DNAH3: variants seen among roughly 807,000 people sequenced by gnomAD.
DNAH3 encodes the protein axonemal beta dynein heavy chain 3.
In DNAH3, 332 loss-of-function variants were observed where a neutral mutation model predicts 432.5. The ratio of observed to expected loss-of-function variants is 0.77; its 90% confidence interval spans 0.70 to 0.84. The LOEUF is 0.84. Ranked by LOEUF, DNAH3 falls within the 40% of genes least tolerant of loss-of-function variation. The pLI, the probability that DNAH3 is intolerant of heterozygous loss-of-function variation, is 0.00. For missense variants in DNAH3, 4,861 were observed against 5,114.0 expected (o/e 0.95, Z 1.51); for synonymous variants, 1,956 against 1,900.2 (o/e 1.03, Z -0.76).
At chr16:21,016,032 G>A (rs2087840571) in intron 41 of DNAH3, among the ~76,000 whole-genome samples, 1 of 151,976 alleles carries the variant, frequency 6.6e-6, no homozygotes, top group Non-Finnish European at 1.5e-5. Flanking sequence ...CAAGTGATCT[G>A]CCTGCCTCAA....
chr16:21,062,739 G>T, intron 24 of DNAH3, 56 bp from the exon 25 acceptor site: 1 of 1,451,694 alleles, frequency 6.9e-7, no homozygotes, highest in Non-Finnish European at 9.5e-7. Flanking sequence ...ACTTTTTCTA[G>T]CAAGGTGATA....
At chr16:21,098,276 A>G (rs2091741045) in intron 17 of DNAH3, among the ~76,000 whole-genome samples, 1 of 151,754 alleles carries the variant, frequency 6.6e-6, no homozygotes, top group Non-Finnish European at 1.5e-5. Context: ...ACTCTCTATT[A>G]AAAATACAAA....
intron 56 of DNAH3, among the ~76,000 whole-genome samples, chr16:20,949,337 A>C (rs1205317373): frequency 6.6e-6 from 1 of 151,182 alleles, no homozygotes; most frequent in Non-Finnish European, 1.5e-5. Flanking sequence ...CAAAAAATAA[A>C]TAAATAAATA....
chr16:21,129,757 C>T (rs1300364212), intron 7 of DNAH3, among the ~76,000 whole-genome samples: 1 of 137,144 alleles, frequency 7.3e-6, no homozygotes, highest in African/African-American at 2.8e-5. Flanking sequence ...ACAAATGCAC[C>T]CTGGTGTTAG....
At chr16:21,146,731 C>A (rs2092788633) in intron 1 of DNAH3, among the ~76,000 whole-genome samples, 1 of 151,590 alleles carries the variant, frequency 6.6e-6, no homozygotes, top group Non-Finnish European at 1.5e-5. Flanking sequence ...GACCATCTCC[C>A]CAACCCTTCC....
intron 1 of DNAH3, among the ~76,000 whole-genome samples, chr16:21,148,136 G>A (rs1051028995): frequency 2.0e-5 from 3 of 152,102 alleles, no homozygotes; most frequent in African/African-American, 4.8e-5. Flanking sequence ...GGGGCAGGGG[G>A]CATATGACTA....
chr16:21,072,626 A>G lies in DNAH3; in HGVS notation c.3085-1800T>C, dbSNP rs115083541. 4.3e-3 allele frequency among the ~76,000 whole-genome samples: 650 copies of G among 151,722 alleles called. 1 individual carries two copies. Among genetic ancestry groups the G allele is most frequent in the African/African-American group, 0.015 (622 of 41,384 alleles). On this transcript the variant is annotated intron_variant, in intron 21 of 61. Transcript: ENST00000261383. The stretch of plus-strand genomic sequence containing the variant: ...ACAAGCATGACAGGCACGAGCCACC[A>G]TGCCTGGCTTGTTTTATACATTTAT...
intron 49 of DNAH3, among the ~76,000 whole-genome samples, chr16:20,980,168 AAAATAT>A (rs942726397): frequency 1.8e-4 from 24 of 135,776 alleles, no homozygotes; most frequent in African/African-American, 6.7e-4. Flanking sequence ...TGTAGAAAAA[AAAATAT>A]ATATATATAT....
At chr16:20,965,784 C>T (rs985004851) in intron 52 of DNAH3, among the ~76,000 whole-genome samples, 1 of 152,164 alleles carries the variant, frequency 6.6e-6, no homozygotes, top group Admixed American at 6.6e-5. Flanking sequence ...ACGATCTTGG[C>T]TCACTGCAAC....
intron 1 of DNAH3, among the ~76,000 whole-genome samples, chr16:21,154,962 T>C (rs2092889027): frequency 6.6e-6 from 1 of 151,032 alleles, no homozygotes; most frequent in African/African-American, 2.4e-5. Flanking sequence ...TTTTTTTTTT[T>C]TTTTTGAGAT....
rs2091899396 is a variant in DNAH3 at position 21,104,221 on chromosome 16, C to T, written c.2366+250G>A. 8.3e-6 allele frequency: 3 copies of T among 363,248 alleles called. No homozygotes were observed. In the East Asian group the frequency reaches 1.5e-4, roughly 18 times the overall value. 22.5% of individuals were successfully genotyped at this position (363,248 alleles called of 1,614,324 possible). A position where few individuals can be genotyped will look rare whatever the true frequency, so the allele number is the denominator to read the frequency against. Reference sequence around the variant, plus strand: ...CTAGTTTTGCGTTTTTCTCTCTGCACCACCAAATTCCAATTATTCAAGGCA... The same window carrying T: ...CTAGTTTTGCGTTTTTCTCTCTGCATCACCAAATTCCAATTATTCAAGGCA... On this transcript the variant is annotated intron_variant, in intron 16 of 61. Transcript: ENST00000261383.
chr16:21,032,856 G>A (rs1430839612), intron 36 of DNAH3, among the ~76,000 whole-genome samples: 1 of 152,002 alleles, frequency 6.6e-6, no homozygotes, highest in Non-Finnish European at 1.5e-5. Flanking sequence ...AAACACAGTG[G>A]TAGCCTCCTT....
At chr16:21,127,461 T>C (rs2092466470) in intron 8 of DNAH3, among the ~76,000 whole-genome samples, 1 of 150,842 alleles carries the variant, frequency 6.6e-6, no homozygotes, top group Non-Finnish European at 1.5e-5. Context: ...CTGGGGGCGC[T>C]GAGGCAGGAT....
At chr16:20,949,330 A>AAAATAAAT (rs557769793) in intron 56 of DNAH3, among the ~76,000 whole-genome samples, 13 of 151,076 alleles carry the variant, frequency 8.6e-5, no homozygotes, top group African/African-American at 3.2e-4. Context: ...TTCGTCTCAA[A>AAAATAAAT]AAATAAATAA....
chr16:21,140,998 G>C (rs1248399048), intron 4 of DNAH3, among the ~76,000 whole-genome samples: 1 of 152,108 alleles, frequency 6.6e-6, no homozygotes, highest in African/African-American at 2.4e-5. Context: ...AATCAGCCAG[G>C]CCTGGTGGCA....
At chr16:21,039,213 G>GTTTTTTTTTTTTTTTTTTTTTTT (rs1567681489) in intron 33 of DNAH3, among the ~76,000 whole-genome samples, 1 of 103,626 alleles carries the variant, frequency 9.7e-6, no homozygotes. Context: ...TTATAGTGTT[G>GTTTTTTTTTTTTTTTTTTTTTTT]CTTTTTTTTT....
At position 21,061,339 on chromosome 16, in the gene DNAH3, G is replaced by A. The variant is rs141224153; in HGVS notation, c.3721-983C>T. Among the ~76,000 whole-genome samples the A allele has an allele frequency of 1.1e-4, 16 of 148,070 alleles. No homozygotes were observed. The East Asian group carries it at 1.8e-3, about 17-fold the overall frequency. On this transcript the variant is annotated intron_variant, in intron 25 of 61. Coordinates refer to ENST00000261383, the Ensembl canonical transcript of DNAH3. ...CAACTTCCGCCTCCTGGGTTCAAGC[G>A]ATTCTCCTGCCTCAGCCTCCCAAGT... is the stretch of plus-strand genomic sequence containing the variant.
At chr16:20,937,461 TA>T (rs1263847764) in intron 59 of DNAH3, among the ~76,000 whole-genome samples, 1 of 151,968 alleles carries the variant, frequency 6.6e-6, no homozygotes, top group Non-Finnish European at 1.5e-5. Flanking sequence ...AAATTATTAT[TA>T]AAAATATTTC....
intron 19 of DNAH3, among the ~76,000 whole-genome samples, chr16:21,082,860 C>G (rs965809503): frequency 6.6e-6 from 1 of 151,020 alleles, no homozygotes; most frequent in African/African-American, 2.4e-5. Context: ...AAATGGCTCA[C>G]GTTATATTTG....
Sources: allele counts gnomAD v4.1 joint callset (sites outside exome capture counted in the v4.1 genomes callset), GRCh38; gene constraint gnomAD v4.1.1; transcripts MANE v1.5; gene names NCBI Gene and HGNC (gene_info 2026-07-23, HGNC 2026-07-21).